Variants in SH3PXD2A observed in about 807,000 individuals in gnomAD.
SH3PXD2A encodes the protein SH3 and PX domains 2A, also known as SH3 and PX domain-containing protein 2A.
SH3PXD2A carries 32 observed loss-of-function variants against 115.2 expected under a neutral mutation model. The ratio of observed to expected loss-of-function variants is 0.28; its 90% confidence interval spans 0.21 to 0.37. The LOEUF is 0.37. Ranked by LOEUF, SH3PXD2A falls within the 10% of genes least tolerant of loss-of-function variation. The pLI is 1.00. For missense variants in SH3PXD2A, 1,328 were observed against 1,498.7 expected (o/e 0.89, Z 1.88); for synonymous variants, 610 against 629.1 (o/e 0.97, Z 0.45).
At chr10:103,797,033 T>C (rs1481082912) in intron 2 of SH3PXD2A, among the ~76,000 whole-genome samples, 1 of 151,968 alleles carries the variant, frequency 6.6e-6, no homozygotes, top group East Asian at 1.9e-4. Flanking sequence ...CGGCTAATTT[T>C]TTTTATTTTT....
intron 5 of SH3PXD2A, among the ~76,000 whole-genome samples, chr10:103,699,808 T>A (rs889814092): frequency 6.6e-6 from 1 of 152,226 alleles, no homozygotes; most frequent in Non-Finnish European, 1.5e-5. Context: ...CTGTCCTTTC[T>A]CCGCAGGGCC....
chr10:103,781,596 G>A (rs2038932037), intron 2 of SH3PXD2A, among the ~76,000 whole-genome samples: 1 of 152,206 alleles, frequency 6.6e-6, no homozygotes, highest in Non-Finnish European at 1.5e-5. Context: ...AAGAGGGAAG[G>A]CAATAGAAAA....
intron 5 of SH3PXD2A, among the ~76,000 whole-genome samples, chr10:103,694,346 A>T (rs1490034234): frequency 6.6e-6 from 1 of 152,180 alleles, no homozygotes; most frequent in Non-Finnish European, 1.5e-5. Context: ...TCCCAGGGAA[A>T]GGAGCAGAGT....
chr10:103,838,002 T>C (rs186710431), intron 1 of SH3PXD2A, among the ~76,000 whole-genome samples: 1 of 152,244 alleles, frequency 6.6e-6, no homozygotes, highest in African/African-American at 2.4e-5. Flanking sequence ...ATGGTGTCTC[T>C]GATTCTGCAG....
intron 6 of SH3PXD2A, among the ~76,000 whole-genome samples, chr10:103,675,654 C>G (rs1214745361): frequency 6.6e-6 from 1 of 152,208 alleles, no homozygotes; most frequent in African/African-American, 2.4e-5. Flanking sequence ...ACTTAACATT[C>G]ATGCTAGGTG....
At chr10:103,801,259 T>C (rs879347396) in intron 2 of SH3PXD2A, 23 bp downstream of exon 2, 15 of 1,488,672 alleles carry the variant, frequency 1.0e-5, no homozygotes, top group Admixed American at 1.7e-5. Context: ...CTTGGGCCAC[T>C]GTCCGAGCTC....
intron 1 of SH3PXD2A, among the ~76,000 whole-genome samples, chr10:103,851,712 A>C (rs1334555515): frequency 6.6e-6 from 1 of 152,124 alleles, no homozygotes; most frequent in African/African-American, 2.4e-5. Context: ...CGAAAACACG[A>C]GTGTTAAGTA....
chr10:103,661,536 A>T lies in SH3PXD2A; in HGVS notation c.473-422T>A, dbSNP rs898188910. 7.9e-6 allele frequency: 4 copies of T among 506,400 alleles called. No homozygotes were observed. The African/African-American group carries it at 8.4e-5, about 11-fold the overall frequency. The allele number at this position is 506,400 out of a possible 1,614,324, so 31.4% of individuals were successfully genotyped here. ...TCTCGGGCCGGCAGGGGCATCGGGGAGGGCGGCGAGCCAGCGGGTGGGCGG... is the reference window on the plus strand; with the variant it reads ...TCTCGGGCCGGCAGGGGCATCGGGGTGGGCGGCGAGCCAGCGGGTGGGCGG... On this transcript the variant is annotated intron_variant, in intron 7 of 14. Transcript: ENST00000369774.
intron 4 of SH3PXD2A, among the ~76,000 whole-genome samples, chr10:103,728,468 G>T (rs572750597): frequency 6.6e-6 from 1 of 152,308 alleles, no homozygotes; most frequent in South Asian, 2.1e-4. Flanking sequence ...TATACTTGCT[G>T]TGTGACCTTA....
chr10:103,624,541 TC>T (rs2036661636), intron 9 of SH3PXD2A, among the ~76,000 whole-genome samples: 6 of 152,110 alleles, frequency 3.9e-5, no homozygotes, highest in Admixed American at 1.3e-4. Context: ...CATACTGAAC[TC>T]CCACAGCACA....
intron 2 of SH3PXD2A, among the ~76,000 whole-genome samples, chr10:103,782,827 CAAAAAAAA>C (rs1177829829): frequency 2.2e-5 from 1 of 45,390 alleles, no homozygotes; most frequent in South Asian, 8.0e-4. Context: ...TCCATCTCTC[CAAAAAAAA>C]AAAAAAAAAA....
At chr10:103,661,240 C>T (rs1265309070) in intron 7 of SH3PXD2A, 126 bp from the exon 8 acceptor site, 11 of 1,166,300 alleles carry the variant, frequency 9.4e-6, no homozygotes, top group Non-Finnish European at 1.0e-5. Flanking sequence ...CAGGGGCAGC[C>T]CGCAGCCGGG....
chr10:103,667,154 C>T (rs1592290831), intron 7 of SH3PXD2A, among the ~76,000 whole-genome samples: 1 of 152,192 alleles, frequency 6.6e-6, no homozygotes, highest in East Asian at 1.9e-4. Context: ...GAGACTCTGG[C>T]CCTGGACTCG....
In SH3PXD2A at chr10:103,746,893, G is replaced by A. The variant is rs1275132578; in HGVS notation, c.230-11085C>T. 6.6e-6 allele frequency: 1 copy of A among 152,262 alleles called. No homozygotes were observed. Among genetic ancestry groups the A allele is most frequent in the Non-Finnish European group, 1.5e-5 (1 of 68,100 alleles). The allele number at this position is 152,262 out of a possible 1,614,324, so 9.4% of individuals were successfully genotyped here. ...CATCCCTCATTGGGAGGCCTTTGGT[G>A]GCCATGTGCCCTCTCTCTCCGGCCT... On this transcript the variant is annotated intron_variant, in intron 3 of 14. Coordinates refer to ENST00000369774, the MANE Select transcript of SH3PXD2A (RefSeq NM_001394015.1). The surrounding 1 kb of genome is among the most constrained non-coding windows in gnomAD (Gnocchi z 4.4).
intron 1 of SH3PXD2A, among the ~76,000 whole-genome samples, chr10:103,821,681 C>T (rs1179058482): frequency 6.6e-6 from 1 of 151,554 alleles, no homozygotes; most frequent in Non-Finnish European, 1.5e-5. Context: ...GCTCCCCTGC[C>T]CCCCACCACC....
At chr10:103,642,320 C>T (rs557519010) in intron 8 of SH3PXD2A, among the ~76,000 whole-genome samples, 7 of 152,146 alleles carry the variant, frequency 4.6e-5, no homozygotes, top group African/African-American at 1.2e-4. Context: ...GCCTGTGGCC[C>T]GCTCTTTCTT....
intron 6 of SH3PXD2A, among the ~76,000 whole-genome samples, chr10:103,683,364 A>G (rs546365235): frequency 1.3e-5 from 2 of 152,228 alleles, no homozygotes; most frequent in South Asian, 2.1e-4. Flanking sequence ...ATACAAAAAA[A>G]TTAGCCAGGC....
At chr10:103,637,605 A>C (rs2036886239) in intron 8 of SH3PXD2A, among the ~76,000 whole-genome samples, 1 of 152,158 alleles carries the variant, frequency 6.6e-6, no homozygotes, top group African/African-American at 2.4e-5. Flanking sequence ...AAGCACCTCT[A>C]TTCATGATTT....
At chr10:103,673,846 G>A (rs1000735823) in intron 6 of SH3PXD2A, among the ~76,000 whole-genome samples, 1 of 152,188 alleles carries the variant, frequency 6.6e-6, no homozygotes, top group African/African-American at 2.4e-5. Flanking sequence ...AGGCTCAGGG[G>A]ACCAGGGCAG....
Sources: gnomAD v4.1 joint callset for allele counts (sites outside exome capture counted in the v4.1 genomes callset) on GRCh38, gnomAD v4.1.1 for gene constraint, Gnocchi (gnomAD v3.1) non-coding constraint, MANE v1.5 for transcripts, NCBI Gene and HGNC (gene_info 2026-07-23, HGNC 2026-07-21) for gene names.